PPP3CA: variants seen among roughly 807,000 people sequenced by gnomAD.
The protein encoded by PPP3CA is CAM-PRP catalytic subunit.
Under a neutral mutation model 66.5 loss-of-function variants are expected in PPP3CA, and 14 were observed. The observed-to-expected ratio is 0.21, with a 90% CI of 0.14 to 0.33. The LOEUF is 0.33. Among genes scored for constraint, PPP3CA ranks in the 10% least tolerant of loss-of-function variants. The pLI is 1.00. For missense variants in PPP3CA, 317 were observed against 639.5 expected, an observed-to-expected ratio of 0.50 and a Z score of 5.44; for synonymous variants, 232 against 226.2, an observed-to-expected ratio of 1.03 and a Z score of -0.23.
intron 12 of PPP3CA, among the ~76,000 whole-genome samples, chr4:101,029,889 C>T (rs900891913): frequency 2.6e-5 from 4 of 151,402 alleles, no homozygotes; most frequent in Admixed American, 6.6e-5. Flanking sequence ...CGTTTTCCAG[C>T]AAGCCCAATT....
At chr4:101,190,504 T>C (rs1724562895) in intron 2 of PPP3CA, among the ~76,000 whole-genome samples, 1 of 152,194 alleles carries the variant, frequency 6.6e-6, no homozygotes, top group African/African-American at 2.4e-5. Context: ...CGCTACATGT[T>C]TATTGATGTT....
At chr4:101,297,149 C>A (rs1728223636) in intron 1 of PPP3CA, among the ~76,000 whole-genome samples, 1 of 152,098 alleles carries the variant, frequency 6.6e-6, no homozygotes, top group Admixed American at 6.6e-5. Context: ...TTATAATCGT[C>A]TTTTCTTTTT....
At chr4:101,137,361 C>G (rs1418267760) in intron 2 of PPP3CA, among the ~76,000 whole-genome samples, 1 of 152,166 alleles carries the variant, frequency 6.6e-6, no homozygotes, top group East Asian at 1.9e-4. Flanking sequence ...TGAAATACAA[C>G]TAAAAGACCA....
rs547493692 is a variant in PPP3CA at position 101,345,272 on chromosome 4, C to G, written c.58+1467G>C. On this transcript the variant is annotated intron_variant, in intron 1 of 13. Transcript: ENST00000394854. Reference sequence around the variant, plus strand: ...TTTCCCCCATCACCACCACCACTCACACAGAAAAATTACTTTAAAAACTGA... The same window carrying G: ...TTTCCCCCATCACCACCACCACTCAGACAGAAAAATTACTTTAAAAACTGA... 1.2e-3 allele frequency among the ~76,000 whole-genome samples: 183 copies of G among 152,298 alleles called. 1 individual carries two copies. The highest frequency in any genetic ancestry group is 4.4e-3 in the African/African-American group (181 of 41,558).
chr4:101,245,223 C>T (rs1203947582), intron 1 of PPP3CA, among the ~76,000 whole-genome samples: 5 of 152,106 alleles, frequency 3.3e-5, no homozygotes, highest in African/African-American at 1.2e-4. Flanking sequence ...TACCATCCAA[C>T]TGCACTTGTT....
intron 2 of PPP3CA, among the ~76,000 whole-genome samples, chr4:101,153,047 A>G (rs1019172115): frequency 2.0e-5 from 3 of 152,162 alleles, no homozygotes; most frequent in Non-Finnish European, 4.4e-5. Flanking sequence ...GAGTCTGGAG[A>G]TTAAGGGGAA....
intron 1 of PPP3CA, among the ~76,000 whole-genome samples, chr4:101,269,985 T>A (rs1183538643): frequency 6.6e-6 from 1 of 152,130 alleles, no homozygotes; most frequent in Non-Finnish European, 1.5e-5. Context: ...CATTAAATGT[T>A]AGAAGGAGTT....
At chr4:101,124,812 T>A (rs1722195996) in intron 2 of PPP3CA, among the ~76,000 whole-genome samples, 3 of 147,888 alleles carry the variant, frequency 2.0e-5, no homozygotes, top group African/African-American at 5.0e-5. Flanking sequence ...AAAACTGTAT[T>A]GGTGTTGAGG....
At chr4:101,257,536 T>C (rs1203623435) in intron 1 of PPP3CA, among the ~76,000 whole-genome samples, 1 of 151,976 alleles carries the variant, frequency 6.6e-6, no homozygotes, top group African/African-American at 2.4e-5. Context: ...ATTTATCATA[T>C]AGTGTTGTTC....
intron 1 of PPP3CA, among the ~76,000 whole-genome samples, chr4:101,342,540 G>A (rs1729850336): frequency 6.6e-6 from 1 of 152,114 alleles, no homozygotes; most frequent in South Asian, 2.1e-4. Flanking sequence ...AACAATGCTG[G>A]AACTATGTTG....
At position 101,024,610 on chromosome 4, in the gene PPP3CA, T is replaced by TAAC. The variant is rs1336105220; in HGVS notation, c.*1252_*1254dup. 1.3e-5 allele frequency: 2 copies of TAAC among 152,544 alleles called. No homozygotes were observed. The highest frequency in any genetic ancestry group is 2.9e-5 in the Non-Finnish European group (2 of 68,018). The allele number at this position is 152,544 out of a possible 1,614,324, so 9.4% of individuals were successfully genotyped here. A position where few individuals can be genotyped will look rare whatever the true frequency, so the allele number is the denominator to read the frequency against. On this transcript the variant is annotated 3_prime_UTR_variant, in exon 14 of 14. Transcript: ENST00000394854. ...TGGCACATGACAGAACAGAACAAAA[T>TAAC]AACTAAACTGTTATGACATTAACAG...
intron 10 of PPP3CA, among the ~76,000 whole-genome samples, chr4:101,059,866 A>G (rs1728385446): frequency 6.6e-6 from 1 of 152,094 alleles, no homozygotes; most frequent in Non-Finnish European, 1.5e-5. Flanking sequence ...GGTGTCCTGA[A>G]TCTAGGACCT....
Position 101,104,032 on chromosome 4 carries a change from A to G in PPP3CA, c.385-4310T>C, listed in dbSNP as rs570101955. Among the ~76,000 whole-genome samples the G allele has an allele frequency of 4.6e-5, 7 of 152,266 alleles. No homozygotes were observed. In the East Asian group the frequency reaches 1.4e-3, roughly 29 times the overall value. ...TTTCTAATTTTGGCAAAAGGAGAAG[A>G]CTGGGGTGGGGGTAATGCATAAAAT... On this transcript the variant is annotated intron_variant, in intron 3 of 13. Transcript: ENST00000394854.
chr4:101,037,667 T>C (rs1334263116), intron 11 of PPP3CA, among the ~76,000 whole-genome samples: 1 of 152,172 alleles, frequency 6.6e-6, no homozygotes, highest in Non-Finnish European at 1.5e-5. Flanking sequence ...AATCTTCACG[T>C]TGCAATTAAC....
intron 1 of PPP3CA, among the ~76,000 whole-genome samples, chr4:101,204,410 G>C (rs1015851242): frequency 9.2e-5 from 14 of 152,208 alleles, no homozygotes; most frequent in Non-Finnish European, 1.6e-4. Context: ...GCCCAAGCGG[G>C]CGGATCACGA....
At chr4:101,275,218 C>T (rs1727451752) in intron 1 of PPP3CA, among the ~76,000 whole-genome samples, 1 of 152,140 alleles carries the variant, frequency 6.6e-6, no homozygotes, top group Non-Finnish European at 1.5e-5. Context: ...TATTCCTTTA[C>T]TTTCACATCC....
chr4:101,296,179 C>A (rs1017102538), intron 1 of PPP3CA, among the ~76,000 whole-genome samples: 10 of 151,988 alleles, frequency 6.6e-5, no homozygotes, highest in Non-Finnish European at 1.5e-4. Flanking sequence ...GAATTACCAA[C>A]CTTATAAAAG....
chr4:101,339,321 C>T (rs979648811), intron 1 of PPP3CA, among the ~76,000 whole-genome samples: 1 of 152,164 alleles, frequency 6.6e-6, no homozygotes, highest in African/African-American at 2.4e-5. Flanking sequence ...AATAATCAAA[C>T]ACTCAGTGAT....
At chr4:101,033,147 C>T (rs72927395) in intron 11 of PPP3CA, among the ~76,000 whole-genome samples, 11,990 of 151,610 alleles carry the variant, frequency 0.079, 920 homozygotes, top group African/African-American at 0.19. Flanking sequence ...ACTAAATAAC[C>T]ACTCACTCTT....
Sources: allele counts gnomAD v4.1 joint callset (sites outside exome capture counted in the v4.1 genomes callset), GRCh38; gene constraint gnomAD v4.1.1; transcripts MANE v1.5; gene names NCBI Gene and HGNC (gene_info 2026-07-23, HGNC 2026-07-21).